Variants in CACNA1D observed in about 807,000 individuals in gnomAD.
CACNA1D encodes the protein voltage-dependent L-type calcium channel subunit alpha-1D.
CACNA1D carries 55 observed loss-of-function variants against 257.1 expected under a neutral mutation model. The observed-to-expected ratio is 0.21, with a 90% confidence interval of 0.17 to 0.27. The LOEUF is 0.27. Ranked by LOEUF, CACNA1D falls within the 10% of genes least tolerant of loss-of-function variation. CACNA1D has a pLI of 1.00. For missense variants in CACNA1D, 1,876 were observed against 2,784.0 expected, an observed-to-expected ratio of 0.67 and a Z score of 7.34; for synonymous variants, 980 against 1,014.9, an observed-to-expected ratio of 0.97 and a Z score of 0.65.
chr3:53,666,693 C>T (rs555808161), intron 7 of CACNA1D, among the ~76,000 whole-genome samples, 158 bp downstream of exon 7: 4 of 152,276 alleles, frequency 2.6e-5, no homozygotes, highest in South Asian at 2.1e-4. Flanking sequence ...CTTCATCATC[C>T]TGCTCCTCGA....
At chr3:53,766,346 A>G (rs1027753690) in intron 30 of CACNA1D, among the ~76,000 whole-genome samples, 3 of 152,164 alleles carry the variant, frequency 2.0e-5, no homozygotes, top group Non-Finnish European at 2.9e-5. Flanking sequence ...AGCAACCCCA[A>G]ATAAAGAAGC....
At chr3:53,717,811 C>A (rs1018192221) in intron 9 of CACNA1D, among the ~76,000 whole-genome samples, 1 of 152,186 alleles carries the variant, frequency 6.6e-6, no homozygotes, top group African/African-American at 2.4e-5. Flanking sequence ...ATGGTACCTT[C>A]ATGCACTGCC....
At chr3:53,510,566 G>T (rs988455991) in intron 3 of CACNA1D, among the ~76,000 whole-genome samples, 3 of 152,146 alleles carry the variant, frequency 2.0e-5, no homozygotes, top group African/African-American at 4.8e-5. Flanking sequence ...CGTTTGTCTG[G>T]GATGACAACT....
At chr3:53,600,407 GC>G (rs553617702) in intron 3 of CACNA1D, among the ~76,000 whole-genome samples, 90 of 151,704 alleles carry the variant, frequency 5.9e-4, no homozygotes, top group African/African-American at 2.1e-3. Flanking sequence ...AGACTGTAGT[GC>G]AAAAAGACGA....
chr3:53,762,113 T>C, intron 30 of CACNA1D, 32 bp downstream of exon 30: 1 of 1,349,658 alleles, frequency 7.4e-7, no homozygotes, highest in Non-Finnish European at 1.1e-6. Flanking sequence ...CCGCCACCTG[T>C]GTCCTCTCTC....
At chr3:53,713,479 A>C (rs1271437936) in intron 9 of CACNA1D, among the ~76,000 whole-genome samples, 6 of 150,198 alleles carry the variant, frequency 4.0e-5, no homozygotes, top group African/African-American at 1.5e-4. Flanking sequence ...GGACCCACAC[A>C]TAGACTCATT....
chr3:53,557,082 T>C (rs7634679), intron 3 of CACNA1D, among the ~76,000 whole-genome samples: 120,260 of 152,154 alleles, frequency 0.79, 48,476 homozygotes, highest in African/African-American at 0.94. Context: ...TCCAGTTACT[T>C]GGTTTTTCCT....
chr3:53,723,828 A>G lies in CACNA1D; in HGVS notation c.1929A>G (p.Leu643=), dbSNP rs1302784593. Residue 643 remains leucine (L), a synonymous_variant, in exon 14 of 48, where the codon TTA becomes TTG. Coordinates refer to ENST00000350061, the MANE Select transcript of CACNA1D (RefSeq NM_001128840.3). This position sits in a 1 kb window ranked among gnomAD's most constrained non-coding sequence, Gnocchi z 5.6. ...WTSLSNLVAS[L]LNSMKSIASL... is the part of the protein sequence containing the mutation. The stretch of plus-strand genomic sequence containing the variant: ...CCCTGAGCAACTTAGTGGCATCCTT[A>G]TTAAACTCCATGAAGTCCATCGCTT... 1.2e-6 allele frequency: 2 copies of G among 1,614,202 alleles called. No homozygotes were observed. The highest frequency in any genetic ancestry group is 1.7e-6 in the Non-Finnish European group (2 of 1,180,018).
intron 3 of CACNA1D, among the ~76,000 whole-genome samples, chr3:53,558,928 A>T (rs925767031): frequency 2.0e-5 from 3 of 152,162 alleles, no homozygotes; most frequent in Non-Finnish European, 4.4e-5. Flanking sequence ...GGAAGTTTTC[A>T]GCCAGTATTT....
At chr3:53,686,752 G>C (rs1225317093) in intron 8 of CACNA1D, among the ~76,000 whole-genome samples, 1 of 151,894 alleles carries the variant, frequency 6.6e-6, no homozygotes. Context: ...TAGGAACAAA[G>C]TAACCATTTT....
Position 53,811,516 on chromosome 3 carries a change from A to G in CACNA1D, c.*110A>G. 1.2e-6 allele frequency: 1 copy of G among 863,172 alleles called. No homozygotes were observed. Among genetic ancestry groups the G allele is most frequent in the Non-Finnish European group, 1.7e-6 (1 of 573,676 alleles). The allele number at this position is 863,172 out of a possible 1,614,324, so 53.5% of individuals were successfully genotyped here. A position where few individuals can be genotyped will look rare whatever the true frequency, so the allele number is the denominator to read the frequency against. On this transcript the variant is annotated 3_prime_UTR_variant, in exon 48 of 48. Transcript: ENST00000350061. The surrounding 1 kb of genome is among the most constrained non-coding windows in gnomAD (Gnocchi z 4.2). Reference sequence around the variant, plus strand: ...AGGCACTAGTTGGGAGTAATATTCAATTAATTAGACTTTTGTATAAGAGAT... The same window carrying G: ...AGGCACTAGTTGGGAGTAATATTCAGTTAATTAGACTTTTGTATAAGAGAT...
At chr3:53,616,413 G>T (rs949095922) in intron 3 of CACNA1D, among the ~76,000 whole-genome samples, 7 of 152,210 alleles carry the variant, frequency 4.6e-5, no homozygotes, top group African/African-American at 1.4e-4. Flanking sequence ...TTCCCAGTCT[G>T]TGTCTTCCTG....
chr3:53,567,031 A>G (rs1313214431), intron 3 of CACNA1D, among the ~76,000 whole-genome samples: 1 of 152,188 alleles, frequency 6.6e-6, no homozygotes, highest in African/African-American at 2.4e-5. Flanking sequence ...TAATTCCTTA[A>G]GCAAACTCCT....
chr3:53,672,937 A>G (rs1323884044), intron 7 of CACNA1D, 86 bp from the exon 8 acceptor site: 1 of 852,148 alleles, frequency 1.2e-6, no homozygotes, highest in Non-Finnish European at 1.9e-6. Context: ...AATTAAATGT[A>G]TAGAATGCTG....
At chr3:53,712,817 A>G (rs1229275874) in intron 9 of CACNA1D, among the ~76,000 whole-genome samples, 1 of 152,218 alleles carries the variant, frequency 6.6e-6, no homozygotes, top group East Asian at 1.9e-4. Flanking sequence ...TGTGGAGAAC[A>G]GAGGAGTGAG....
In CACNA1D at chr3:53,673,580, G is replaced by T; in HGVS notation, c.1220+454G>T. 1.5e-6 allele frequency: 1 copy of T among 683,980 alleles called. No homozygotes were observed. The highest frequency in any genetic ancestry group is 2.6e-6 in the Non-Finnish European group (1 of 382,462). 42.4% of individuals were successfully genotyped at this position (683,980 alleles called of 1,614,324 possible). A position where few individuals can be genotyped will look rare whatever the true frequency, so the allele number is the denominator to read the frequency against. Reference sequence around the variant, plus strand: ...ATTTGCAGAAAAAAAAAAAAAAAGGGAAGGACCTAGGCCCAGTCCCTGTCC... The same window carrying T: ...ATTTGCAGAAAAAAAAAAAAAAAGGTAAGGACCTAGGCCCAGTCCCTGTCC... On this transcript the variant is annotated intron_variant, in intron 8 of 47. Transcript: ENST00000350061. This position sits in a 1 kb window ranked among gnomAD's most constrained non-coding sequence, Gnocchi z 4.1.
intron 3 of CACNA1D, among the ~76,000 whole-genome samples, chr3:53,628,693 C>T (rs922536803): frequency 1.6e-4 from 24 of 152,138 alleles, no homozygotes; most frequent in African/African-American, 4.6e-4. Context: ...CAAAGCTGAG[C>T]GCCATATGTG....
intron 8 of CACNA1D, 45 bp from the exon 9 acceptor site, chr3:53,702,596 C>G: frequency 1.2e-6 from 2 of 1,600,878 alleles, no homozygotes; most frequent in Non-Finnish European, 1.7e-6. Context: ...GATGCAGGTC[C>G]CCAAGGATGT....
At chr3:53,630,894 C>G (rs925167668) in intron 3 of CACNA1D, among the ~76,000 whole-genome samples, 1 of 152,154 alleles carries the variant, frequency 6.6e-6, no homozygotes, top group Non-Finnish European at 1.5e-5. Context: ...TATGTCTATA[C>G]TATACTGTAG....
Sources: allele counts gnomAD v4.1 joint callset (sites outside exome capture counted in the v4.1 genomes callset), GRCh38; gene constraint gnomAD v4.1.1; non-coding constraint Gnocchi (gnomAD v3.1); transcripts MANE v1.5; gene names NCBI Gene and HGNC (gene_info 2026-07-23, HGNC 2026-07-21).